Variants in TBC1D16 observed in about 807,000 individuals in gnomAD.
TBC1D16 encodes CTD-2529O21.1.
In TBC1D16, 58 loss-of-function variants were observed where a neutral mutation model predicts 74.7. That is an observed-to-expected ratio of 0.78 (90% CI 0.63 to 0.97). The LOEUF (loss-of-function observed/expected upper bound fraction) is 0.97. Ranked by LOEUF, TBC1D16 falls within the 50% of genes least tolerant of loss-of-function variation. The probability of loss-of-function intolerance (pLI) is 0.00; values close to 1 mark genes in which losing one functional copy is unlikely to be tolerated. For synonymous variants in TBC1D16, 493 were observed against 474.7 expected, an observed-to-expected ratio of 1.04 and a Z score of -0.50; for missense variants, 1,014 against 1,079.5, an observed-to-expected ratio of 0.94 and a Z score of 0.85.
At chr17:79,947,262 G>A (rs192246150) in intron 9 of TBC1D16, among the ~76,000 whole-genome samples, 1 of 152,282 alleles carries the variant, frequency 6.6e-6, no homozygotes, top group Admixed American at 6.5e-5. Flanking sequence ...AGAAGCCCTG[G>A]CTGTGTTGAC....
intron 3 of TBC1D16, among the ~76,000 whole-genome samples, chr17:79,959,483 T>C (rs76381202): frequency 0.027 from 4,165 of 152,238 alleles, 74 homozygotes; most frequent in Middle Eastern, 0.058. Context: ...GAGACCTACA[T>C]AGCTATCATC....
At position 79,937,893 on chromosome 17, in the gene TBC1D16, CATTA is replaced by C; in HGVS notation, c.*2962_*2965del. On this transcript the variant is annotated 3_prime_UTR_variant, in exon 12 of 12. Coordinates refer to ENST00000310924, the MANE Select transcript of TBC1D16 (RefSeq NM_019020.4). The stretch of plus-strand genomic sequence containing the variant: ...AACATCGGGCGACGCTGTCAGCAGA[CATTA>C]GCAGCAGAGCTGCACCACGCATCAA... The C allele has an allele frequency of 6.6e-6, 1 of 152,002 alleles. No individual in the cohort carries two copies. Among genetic ancestry groups the C allele is most frequent in the African/African-American group, 2.4e-5 (1 of 41,416 alleles). 9.4% of individuals were successfully genotyped at this position (152,002 alleles called of 1,614,324 possible).
chr17:79,952,333 G>A (rs755425540), intron 4 of TBC1D16: 8 of 244,258 alleles, frequency 3.3e-5, no homozygotes, highest in South Asian at 1.4e-4. Flanking sequence ...AGCATCCCCC[G>A]GCGATCAGAG....
intron 1 of TBC1D16, among the ~76,000 whole-genome samples, chr17:80,016,628 G>A (rs2036099940): frequency 6.6e-6 from 1 of 151,976 alleles, no homozygotes; most frequent in Non-Finnish European, 1.5e-5. Context: ...GGGTGGAGGG[G>A]TCCCCACTGG....
Position 79,949,814 on chromosome 17 carries a change from A to C in TBC1D16, c.1309T>G (p.Phe437Val), listed in dbSNP as rs1224501642. 6.2e-7 allele frequency: 1 copy of C among 1,613,856 alleles called. No individual in the cohort carries two copies. ...TCGTGGCTGTAATAGCGCAGCAGGA[A>C]GGGCCAGACCTCCCCGCGGATTGAC... is the stretch of plus-strand genomic sequence containing the variant. Reference protein sequence around the residue: ...DVSIRGEVWPFLLRYYSHEST... With the variant: ...DVSIRGEVWPVLLRYYSHEST... Residue 437 changes from phenylalanine to valine, a missense_variant, in exon 7 of 12, where the codon TTC becomes GTC. Phe to Val is a conservative substitution (Grantham distance 50). Coordinates refer to ENST00000310924, the MANE Select transcript of TBC1D16 (RefSeq NM_019020.4).
Position 79,986,818 on chromosome 17 carries a change from G to C in TBC1D16, c.779+23342C>G, listed in dbSNP as rs1226981126. Among the ~76,000 whole-genome samples, 6 of 152,210 alleles carry C rather than the reference G, an allele frequency of 3.9e-5. No individual in the cohort carries two copies. The highest frequency in any genetic ancestry group is 3.9e-4 in the Admixed American group (6 of 15,284). On this transcript the variant is annotated intron_variant, in intron 3 of 11. Transcript: ENST00000310924. The surrounding 1 kb of genome is among the most constrained non-coding windows in gnomAD (Gnocchi z 6.0). ...ATGACACCTCCGATCAGGTCCACGG[G>C]AAGATGGGGGTGAACGAGAAGCCTG...
chr17:79,966,618 T>C (rs1387696391), intron 3 of TBC1D16, among the ~76,000 whole-genome samples: 1 of 152,216 alleles, frequency 6.6e-6, no homozygotes, highest in Non-Finnish European at 1.5e-5. Flanking sequence ...GTCTGAAACA[T>C]ACAGCAGGTC....
intron 1 of TBC1D16, among the ~76,000 whole-genome samples, chr17:80,026,520 G>A (rs1409015889): frequency 6.7e-6 from 1 of 149,874 alleles, no homozygotes; most frequent in Non-Finnish European, 1.5e-5. Context: ...CCAAAGAGGT[G>A]TGGAGGAGGC....
intron 3 of TBC1D16, among the ~76,000 whole-genome samples, chr17:79,963,325 C>A (rs1386042187): frequency 6.6e-6 from 1 of 152,090 alleles, no homozygotes; most frequent in African/African-American, 2.4e-5. Flanking sequence ...AGCACCTAAT[C>A]TCAGTGAAAT....
chr17:79,951,531 G>A lies in TBC1D16; in HGVS notation c.1008C>T (p.His336=). ...GCTTGTCCAGGCCGCCGTGGTGGAAGTGGAAAACCTTGTACTGGCTCTCTC... is the reference window on the plus strand; with the variant it reads ...GCTTGTCCAGGCCGCCGTGGTGGAAATGGAAAACCTTGTACTGGCTCTCTC... ...ASRESQYKVF[H]FHHGGLDKLS... Residue 336 remains histidine, a synonymous_variant, in exon 5 of 12, where the codon CAC becomes CAT. Coordinates refer to ENST00000310924, the MANE Select transcript of TBC1D16 (RefSeq NM_019020.4). The A allele has an allele frequency of 1.9e-6, 3 of 1,614,154 alleles. No individual in the cohort carries two copies. The highest frequency in any genetic ancestry group is 2.5e-6 in the Non-Finnish European group (3 of 1,180,014).
In TBC1D16 at chr17:79,969,951, A is replaced by G. The variant is rs1295810702; in HGVS notation, c.780-17133T>C. On this transcript the variant is annotated intron_variant, in intron 3 of 11. Coordinates refer to ENST00000310924, the MANE Select transcript of TBC1D16 (RefSeq NM_019020.4). ...AACGAGACTCCATCTCAAAGAAAAGAAAAGAAAAGAAAATAGATGTCTATA... is the reference window on the plus strand; with the variant it reads ...AACGAGACTCCATCTCAAAGAAAAGGAAAGAAAAGAAAATAGATGTCTATA... Among the ~76,000 whole-genome samples, 3 of 152,146 alleles carry G rather than the reference A, an allele frequency of 2.0e-5. No individual in the cohort carries two copies. The South Asian group carries it at 6.2e-4, about 32-fold the overall frequency.
At chr17:80,012,988 A>G (rs1179766609) in intron 2 of TBC1D16, among the ~76,000 whole-genome samples, 5 of 152,164 alleles carry the variant, frequency 3.3e-5, no homozygotes, top group African/African-American at 7.2e-5. Flanking sequence ...TACCCACCTA[A>G]GAGGCCTGCT....
At chr17:80,026,800 A>AAACCATTCG (rs2036596680) in intron 1 of TBC1D16, among the ~76,000 whole-genome samples, 1 of 149,804 alleles carries the variant, frequency 6.7e-6, no homozygotes, top group Non-Finnish European at 1.5e-5. Flanking sequence ...GGGGCAAAGA[A>AAACCATTCG]AACCATTCGT....
At chr17:80,005,803 G>C (rs143613988) in intron 3 of TBC1D16, among the ~76,000 whole-genome samples, 9 of 152,230 alleles carry the variant, frequency 5.9e-5, no homozygotes, top group African/African-American at 2.2e-4. Context: ...GGTAGCACAC[G>C]AATGTGGGCA....
chr17:80,014,533 C>A (rs1388191650), intron 1 of TBC1D16, among the ~76,000 whole-genome samples: 1 of 151,962 alleles, frequency 6.6e-6, no homozygotes, highest in Non-Finnish European at 1.5e-5. Context: ...CAGTTCCAAA[C>A]AAAAATTCAA....
chr17:79,996,458 T>A (rs1256409445), intron 3 of TBC1D16, among the ~76,000 whole-genome samples: 3 of 152,142 alleles, frequency 2.0e-5, no homozygotes. Context: ...ATCAGGATGC[T>A]TAAAAAAAAT....
intron 3 of TBC1D16, among the ~76,000 whole-genome samples, chr17:79,978,122 C>T (rs1487929881): frequency 6.6e-6 from 1 of 152,200 alleles, no homozygotes; most frequent in African/African-American, 2.4e-5. Flanking sequence ...GGAGCGCCGA[C>T]ATCCCGCATG....
At chr17:79,998,513 A>T (rs889491310) in intron 3 of TBC1D16, among the ~76,000 whole-genome samples, 3 of 144,338 alleles carry the variant, frequency 2.1e-5, no homozygotes, top group Admixed American at 6.9e-5. Context: ...TTATTATTAT[A>T]ATTTTTTTTT....
At position 79,972,282 on chromosome 17, in the gene TBC1D16, T is replaced by C. The variant is rs1024503123; in HGVS notation, c.780-19464A>G. Among the ~76,000 whole-genome samples, 24 of 152,186 alleles carry C rather than the reference T, an allele frequency of 1.6e-4. 1 individual carries two copies. The highest frequency in any genetic ancestry group is 1.6e-3 in the Admixed American group (24 of 15,286). ...ACCTCCGCCTCCCGGATTCAAGCGA[T>C]TCTCCTGCTTCAGCCTCCTGAGTAG... On this transcript the variant is annotated intron_variant, in intron 3 of 11. Coordinates refer to ENST00000310924, the MANE Select transcript of TBC1D16 (RefSeq NM_019020.4).
Sources: allele counts gnomAD v4.1 joint callset (sites outside exome capture counted in the v4.1 genomes callset), GRCh38; gene constraint gnomAD v4.1.1; non-coding constraint Gnocchi (gnomAD v3.1); transcripts MANE v1.5; gene names NCBI Gene and HGNC (gene_info 2026-07-23, HGNC 2026-07-21).